Variants in MAMDC2 observed in about 807,000 individuals in gnomAD.
The protein encoded by MAMDC2 is MAM domain-containing protein 2.
A neutral mutation model predicts 89.8 loss-of-function variants in MAMDC2; 57 were observed. That is an observed-to-expected ratio of 0.63 (90% confidence interval 0.51 to 0.79). MAMDC2 has a LOEUF of 0.79. MAMDC2 is among the 30% of genes least tolerant of loss of function. MAMDC2 has a pLI of 0.00. For synonymous variants in MAMDC2, 313 were observed against 293.4 expected, an observed-to-expected ratio of 1.07 and a Z score of -0.68; for missense variants, 800 against 820.6, an observed-to-expected ratio of 0.97 and a Z score of 0.31.
chr9:70,160,526 A>C (rs1420060427), intron 9 of MAMDC2, among the ~76,000 whole-genome samples: 1 of 152,194 alleles, frequency 6.6e-6, no homozygotes, highest in Non-Finnish European at 1.5e-5. Flanking sequence ...AAAGAACATG[A>C]ACTTTGCAAT....
At chr9:70,150,041 T>A (rs1306499373) in intron 9 of MAMDC2, among the ~76,000 whole-genome samples, 1 of 152,074 alleles carries the variant, frequency 6.6e-6, no homozygotes, top group Non-Finnish European at 1.5e-5. Context: ...CCTAGGTAGC[T>A]TTTTCATTGT....
chr9:70,172,330 C>CT (rs2032373748), intron 11 of MAMDC2, among the ~76,000 whole-genome samples: 1 of 152,128 alleles, frequency 6.6e-6, no homozygotes, highest in South Asian at 2.1e-4. Flanking sequence ...ATCTTCATGA[C>CT]TTTTTAATCA....
chr9:70,170,413 GGCTGCTAGCAACACAGA>G, intron 10 of MAMDC2, 49 bp from the exon 11 acceptor site: 1 of 1,513,702 alleles, frequency 6.6e-7, no homozygotes, highest in Non-Finnish European at 8.9e-7. Context: ...ATGCAGAGTG[GGCTGCTAGCAACACAGA>G]GTCATTGAAA....
chr9:70,224,500 A>G (rs1170777290), intron 12 of MAMDC2, among the ~76,000 whole-genome samples: 1 of 152,212 alleles, frequency 6.6e-6, no homozygotes, highest in Non-Finnish European at 1.5e-5. Context: ...GTACAATTCC[A>G]GAAGTCTGAA....
intron 11 of MAMDC2, among the ~76,000 whole-genome samples, chr9:70,199,059 G>GT (rs1554681332): frequency 3.4e-5 from 1 of 29,622 alleles, no homozygotes; most frequent in African/African-American, 6.5e-5. Context: ...TTTTTCGTTT[G>GT]TTTTTTTTTT....
intron 12 of MAMDC2, among the ~76,000 whole-genome samples, chr9:70,221,248 G>A (rs927146660): frequency 6.7e-6 from 1 of 149,220 alleles, no homozygotes; most frequent in South Asian, 2.1e-4. Flanking sequence ...CCAGCACTTC[G>A]GGAGGCCGAG....
At chr9:70,062,225 C>T (rs951028301) in intron 2 of MAMDC2, among the ~76,000 whole-genome samples, 17 of 151,630 alleles carry the variant, frequency 1.1e-4, no homozygotes, top group African/African-American at 3.9e-4. Flanking sequence ...TGGAAGGATA[C>T]ACTTGGATAC....
At chr9:70,105,796 A>AT (rs1441263241) in intron 2 of MAMDC2, 3 of 152,098 alleles carry the variant, frequency 2.0e-5, no homozygotes, top group Admixed American at 6.5e-5. Context: ...TGTCAAGAGA[A>AT]TTTTTTTATG....
chr9:70,045,722 A>T (rs1826733211), intron 2 of MAMDC2, among the ~76,000 whole-genome samples: 1 of 152,064 alleles, frequency 6.6e-6, no homozygotes, highest in Non-Finnish European at 1.5e-5. Flanking sequence ...AGCTTCTCTG[A>T]CCCTCACAGG....
At chr9:70,073,121 A>G (rs1238762595) in intron 2 of MAMDC2, among the ~76,000 whole-genome samples, 1 of 152,260 alleles carries the variant, frequency 6.6e-6, no homozygotes. Context: ...GGTGTGAGCC[A>G]CTGAATCCAG....
chr9:70,115,363 T>C (rs1227417743), intron 5 of MAMDC2, among the ~76,000 whole-genome samples: 1 of 152,088 alleles, frequency 6.6e-6, no homozygotes. Flanking sequence ...CCCTTTTTTT[T>C]TTCTTTTTTG....
chr9:70,212,495 G>T (rs1587576725), intron 11 of MAMDC2, among the ~76,000 whole-genome samples: 1 of 152,196 alleles, frequency 6.6e-6, no homozygotes, highest in Non-Finnish European at 1.5e-5. Context: ...TATTAGAGTG[G>T]GAGTGTCCTG....
chr9:70,185,308 G>A (rs1023618953), intron 11 of MAMDC2, among the ~76,000 whole-genome samples: 9 of 152,216 alleles, frequency 5.9e-5, no homozygotes, highest in Non-Finnish European at 8.8e-5. Flanking sequence ...CCTGTAAGAG[G>A]TGTCTGTCGG....
intron 11 of MAMDC2, among the ~76,000 whole-genome samples, chr9:70,181,023 T>G (rs2032634558): frequency 6.6e-6 from 1 of 152,252 alleles, no homozygotes; most frequent in Admixed American, 6.5e-5. Context: ...TTGAGTTAAT[T>G]TTGTATAAGG....
intron 11 of MAMDC2, among the ~76,000 whole-genome samples, chr9:70,173,715 C>A (rs1308457250): frequency 6.6e-6 from 1 of 151,968 alleles, no homozygotes; most frequent in African/African-American, 2.4e-5. Flanking sequence ...CTGTGGAATG[C>A]CTTAGACATG....
chr9:70,191,331 AGTTT>A (rs1334718832), intron 11 of MAMDC2, among the ~76,000 whole-genome samples: 1 of 151,968 alleles, frequency 6.6e-6, no homozygotes, highest in East Asian at 1.9e-4. Flanking sequence ...AACAGATTTG[AGTTT>A]GTTGGTGTAA....
chr9:70,100,982 T>C (rs2997700), intron 2 of MAMDC2, among the ~76,000 whole-genome samples: 9,749 of 152,252 alleles, frequency 0.064, 994 homozygotes, highest in African/African-American at 0.21. Flanking sequence ...TTATATATAG[T>C]CATGCACTGC....
chr9:70,112,219 G>C (rs77906473), intron 4 of MAMDC2, among the ~76,000 whole-genome samples: 10,289 of 152,246 alleles, frequency 0.068, 545 homozygotes, highest in East Asian at 0.21. Flanking sequence ...GTCAATGGAG[G>C]CATTAGCTTG....
chr9:70,221,408 G>GAGAGAGAGAGAGAGA (rs2033563067), intron 12 of MAMDC2, among the ~76,000 whole-genome samples: 1 of 110,922 alleles, frequency 9.0e-6, no homozygotes, highest in Non-Finnish European at 1.9e-5. Flanking sequence ...GAGAGAGAGA[G>GAGAGAGAGAGAGAGA]TAACATCAGA....
Sources: allele counts gnomAD v4.1 joint callset (sites outside exome capture counted in the v4.1 genomes callset), GRCh38; gene constraint gnomAD v4.1.1; transcripts MANE v1.5; gene names NCBI Gene and HGNC (gene_info 2026-07-23, HGNC 2026-07-21).